MRPL15: variants seen among roughly 807,000 people sequenced by gnomAD.
The protein encoded by MRPL15 is mitochondrial ribosomal protein L15.
In MRPL15, 24 loss-of-function variants were observed where a neutral mutation model predicts 28.0. The observed-to-expected ratio is 0.86, with a 90% CI of 0.62 to 1.21. The LOEUF is 1.21. Ranked by LOEUF, MRPL15 falls within the 50% of genes most tolerant of loss-of-function variation. MRPL15 has a pLI of 0.00. For missense variants in MRPL15, 343 were observed against 372.4 expected (o/e 0.92, Z 0.65); for synonymous variants, 124 against 137.0 (o/e 0.90, Z 0.66).
chr8:54,139,329 T>C (rs775705485), intron 3 of MRPL15, among the ~76,000 whole-genome samples: 12 of 152,160 alleles, frequency 7.9e-5, no homozygotes, highest in Non-Finnish European at 1.8e-4. Flanking sequence ...CAACTACTGT[T>C]TGCCAATAAT....
At chr8:54,146,415 C>G (rs1473323596) in intron 4 of MRPL15, among the ~76,000 whole-genome samples, 2 of 150,444 alleles carry the variant, frequency 1.3e-5, no homozygotes, top group Non-Finnish European at 2.9e-5. Context: ...CCACTGTACT[C>G]TAGCCTGGGC....
At chr8:54,135,637 G>C (rs1810816977) in intron 1 of MRPL15, among the ~76,000 whole-genome samples, 1 of 135,358 alleles carries the variant, frequency 7.4e-6, no homozygotes, top group Admixed American at 8.7e-5. Flanking sequence ...CAATTCTCCT[G>C]CCTCAGCCTC....
In MRPL15 at chr8:54,136,531, G is replaced by C. The variant is rs769742347; in HGVS notation, c.129G>C (p.Arg43=). 1.2e-6 allele frequency: 2 copies of C among 1,614,010 alleles called. No homozygotes were observed. Among genetic ancestry groups the C allele is most frequent in the Non-Finnish European group, 8.5e-7 (1 of 1,179,942 alleles). ...TGCAGGAGAGAAGACCAAGAGGTCGGAGAAGAGGTAGAAAATGTGGCAGAG... is the reference window on the plus strand; with the variant it reads ...TGCAGGAGAGAAGACCAAGAGGTCGCAGAAGAGGTAGAAAATGTGGCAGAG... The part of the protein sequence containing the change: ...SKKPERRPRG[R]RRGRKCGRGH... The change falls in exon 2 of 5, where the codon CGG becomes CGC. Residue 43 remains arginine, a synonymous_variant. Transcript: ENST00000260102.
rs894192498 is a variant in MRPL15 at position 54,147,578 on chromosome 8, T to G, written c.750T>G (p.Asp250Glu). Residue 250 changes from aspartate to glutamate, a missense_variant, in exon 5 of 5, where the codon GAT (aspartate) becomes GAG (glutamate). By Grantham distance (45) the Asp-to-Glu change is conservative (BLOSUM62 2). Transcript: ENST00000260102. ...ATATCTTACCTGATATCACTAAAGA[T>G]GAACTCTTCAAAATGCTCTGTACTA... The part of the protein sequence containing the change: ...YGYILPDITK[D>E]ELFKMLCTRK... The G allele has an allele frequency of 6.2e-7, 1 of 1,614,196 alleles. No individual in the cohort carries two copies. The highest frequency in any genetic ancestry group is 8.5e-7 in the Non-Finnish European group (1 of 1,180,036).
rs1810953535 is a variant in MRPL15 at position 54,142,791 on chromosome 8, G to C, written c.553+5G>C. 6.2e-7 allele frequency: 1 copy of C among 1,612,386 alleles called. No individual in the cohort carries two copies. Among genetic ancestry groups the C allele is most frequent in the Non-Finnish European group, 8.5e-7 (1 of 1,179,670 alleles). ...TCTATGATCCAAGAAGTCTGGGTAA[G>C]TTTGTTCCACGGTCATTTTCTTCTT... is the stretch of plus-strand genomic sequence containing the variant. On this transcript the variant is annotated splice_donor_5th_base_variant and intron_variant, in intron 4 of 4. Coordinates refer to ENST00000260102, the MANE Select transcript of MRPL15 (RefSeq NM_014175.4).
At chr8:54,138,448 G>A (rs1810867120) in intron 3 of MRPL15, among the ~76,000 whole-genome samples, 1 of 151,376 alleles carries the variant, frequency 6.6e-6, no homozygotes, top group Non-Finnish European at 1.5e-5. Flanking sequence ...CTCCTGAGTA[G>A]GTGGGACTAC....
intron 4 of MRPL15, among the ~76,000 whole-genome samples, chr8:54,145,706 G>A (rs746824116): frequency 9.9e-5 from 15 of 152,170 alleles, no homozygotes; most frequent in South Asian, 2.1e-4. Flanking sequence ...GAACTCCTGC[G>A]CTCAAGCAAT....
chr8:54,140,858 A>AG (rs1810912712), intron 3 of MRPL15, among the ~76,000 whole-genome samples: 1 of 151,732 alleles, frequency 6.6e-6, no homozygotes, highest in South Asian at 2.1e-4. Flanking sequence ...CTGGGATTAC[A>AG]GGCGTGAGCC....
At chr8:54,141,551 A>G (rs1355806263) in intron 3 of MRPL15, among the ~76,000 whole-genome samples, 2 of 152,176 alleles carry the variant, frequency 1.3e-5, no homozygotes, top group Non-Finnish European at 2.9e-5. Flanking sequence ...TTAAAAAAAA[A>G]GTGATAGGAC....
At position 54,137,440 on chromosome 8, in the gene MRPL15, C is replaced by A. The variant is rs778722769; in HGVS notation, c.429+7C>A. The A allele has an allele frequency of 2.1e-5, 34 of 1,612,246 alleles. No individual in the cohort carries two copies. In the Admixed American group the frequency reaches 2.5e-4, roughly 12 times the overall value. On this transcript the variant is annotated splice_region_variant and intron_variant, in intron 3 of 4. Transcript: ENST00000260102. ...TGTCCAGCTGGTTGAGGAGGTAAGT[C>A]TTGATTAGATCTTTTGGTGTTATAT...
At chr8:54,137,572 C>G in intron 3 of MRPL15, 139 bp downstream of exon 3, 5 of 707,862 alleles carry the variant, frequency 7.1e-6, no homozygotes, top group Non-Finnish European at 1.2e-5. Flanking sequence ...AAGTGATTCT[C>G]CTGCCTCAGC....
At chr8:54,147,282 C>G in intron 4 of MRPL15, 100 bp from the exon 5 acceptor site, 1 of 855,840 alleles carries the variant, frequency 1.2e-6, no homozygotes, top group Non-Finnish European at 1.7e-6. Context: ...TGTAACATCT[C>G]TATGGTACAG....
intron 3 of MRPL15, among the ~76,000 whole-genome samples, chr8:54,138,301 CTTTTTTTT>C (rs71254537): frequency 3.9e-4 from 22 of 56,990 alleles, no homozygotes; most frequent in African/African-American, 1.4e-3. Context: ...TCAGGAAGAT[CTTTTTTTT>C]TTTTTTTTTT....
At chr8:54,135,842 G>A (rs1248082554) in intron 1 of MRPL15, among the ~76,000 whole-genome samples, 1 of 152,148 alleles carries the variant, frequency 6.6e-6, no homozygotes, top group African/African-American at 2.4e-5. Flanking sequence ...TCTTAATAAG[G>A]TTATGTTTAC....
intron 4 of MRPL15, among the ~76,000 whole-genome samples, chr8:54,144,301 G>A (rs10100207): frequency 0.041 from 6,307 of 152,242 alleles, 460 homozygotes; most frequent in African/African-American, 0.15. Context: ...ATTCTTTGAT[G>A]CTTTTACATT....
intron 3 of MRPL15, among the ~76,000 whole-genome samples, chr8:54,141,753 CA>C (rs1348075838): frequency 6.6e-6 from 1 of 151,936 alleles, no homozygotes; most frequent in Non-Finnish European, 1.5e-5. Flanking sequence ...TAGGTTGGTG[CA>C]CAAGTAATTG....
intron 3 of MRPL15, among the ~76,000 whole-genome samples, chr8:54,141,347 T>C (rs954423312): frequency 3.3e-5 from 5 of 152,092 alleles, no homozygotes; most frequent in Admixed American, 6.5e-5. Context: ...GGTATTTCCA[T>C]CTATGAAGTC....
chr8:54,141,378 C>T (rs770679749), intron 3 of MRPL15, among the ~76,000 whole-genome samples: 11 of 152,028 alleles, frequency 7.2e-5, no homozygotes, highest in Middle Eastern at 3.4e-3. Context: ...TCTATGAAGT[C>T]GGGATAGCAA....
Position 54,147,410 on chromosome 8 carries a change from TC to T in MRPL15, c.583del (p.Leu195PhefsTer81). 1.9e-6 allele frequency: 3 copies of T among 1,612,462 alleles called. No individual in the cohort carries two copies. In the South Asian group the frequency reaches 3.3e-5, roughly 18 times the overall value. ...TTGTATGCAAACCTGTTCCATTCTT[TC>T]TTCGTGGACAACCCATTCCAAAAAG... ...DIVCKPVPFF[L>X]RGQPIPKRML... is the part of the protein sequence containing the mutation. On this transcript the variant is annotated frameshift_variant, in exon 5 of 5. Transcript: ENST00000260102. LOFTEE classifies it high-confidence loss of function.
Sources: gnomAD v4.1 joint callset for allele counts (sites outside exome capture counted in the v4.1 genomes callset) on GRCh38, gnomAD v4.1.1 for gene constraint, MANE v1.5 for transcripts, NCBI Gene and HGNC (gene_info 2026-07-23, HGNC 2026-07-21) for gene names.